LAMA2: variants seen among roughly 807,000 people sequenced by gnomAD.
LAMA2 encodes laminin subunit alpha 2.
LAMA2 carries 269 observed loss-of-function variants against 364.8 expected under a neutral mutation model. The ratio of observed to expected loss-of-function variants is 0.74; its 90% CI spans 0.67 to 0.82. The LOEUF (loss-of-function observed/expected upper bound fraction) is 0.82, where lower values mean the gene tolerates loss of function less well. Ranked by LOEUF, LAMA2 falls within the 40% of genes least tolerant of loss-of-function variation. The pLI, the probability that LAMA2 is intolerant of heterozygous loss-of-function variation, is 0.00. For missense variants in LAMA2, 3,807 were observed against 3,873.2 expected, an observed-to-expected ratio of 0.98 and a Z score of 0.45; for synonymous variants, 1,379 against 1,370.6, an observed-to-expected ratio of 1.01 and a Z score of -0.14.
At chr6:129,320,049 CTT>C (rs1774857184) in intron 27 of LAMA2, among the ~76,000 whole-genome samples, 2 of 152,052 alleles carry the variant, frequency 1.3e-5, no homozygotes, top group South Asian at 4.2e-4. Flanking sequence ...AGGAGAATCA[CTT>C]GAACCTGGTA....
intron 18 of LAMA2, among the ~76,000 whole-genome samples, chr6:129,283,607 G>T (rs1788885270): frequency 2.0e-5 from 3 of 151,504 alleles, no homozygotes; most frequent in Non-Finnish European, 4.4e-5. Context: ...AATGTGGAAG[G>T]TGTTTGAATC....
intron 22 of LAMA2, among the ~76,000 whole-genome samples, chr6:129,306,106 ATT>A (rs1773851035): frequency 6.6e-6 from 1 of 151,852 alleles, no homozygotes; most frequent in African/African-American, 2.4e-5. Context: ...TAAGCTTACG[ATT>A]TTGATTTCAA....
chr6:129,464,310 A>G lies in LAMA2; in HGVS notation c.7013A>G (p.Glu2338Gly). 1 of 1,612,088 alleles carries G rather than the reference A, an allele frequency of 6.2e-7. No individual in the cohort carries two copies. Among genetic ancestry groups the G allele is most frequent in the African/African-American group, 1.3e-5 (1 of 74,908 alleles). Residue 2338 changes from glutamate to glycine, a missense_variant, in exon 50 of 65, where the codon GAG becomes GGG. Physicochemically the swap from Glu to Gly is moderately conservative, Grantham distance 98 (BLOSUM62 -2). Transcript: ENST00000421865. ...CTVSPQVEDS[E>G]GTIQFDGEGY... ...CTCAGTCCTCAGGTGGAAGATAGTG[A>G]GGGGACTATTCAATTTGATGGAGAA...
chr6:129,256,379 G>A (rs942546816), intron 14 of LAMA2, among the ~76,000 whole-genome samples: 11 of 152,036 alleles, frequency 7.2e-5, no homozygotes, highest in Non-Finnish European at 2.9e-5. Context: ...GAAAATAGTA[G>A]ACAGTAAGTA....
chr6:128,899,695 GTTA>G (rs1429385202), intron 1 of LAMA2, among the ~76,000 whole-genome samples: 1 of 151,914 alleles, frequency 6.6e-6, no homozygotes, highest in Non-Finnish European at 1.5e-5. Context: ...ACAGATATGA[GTTA>G]TTATTATTAA....
chr6:129,151,521 G>C (rs989755105), intron 7 of LAMA2, among the ~76,000 whole-genome samples: 1 of 152,056 alleles, frequency 6.6e-6, no homozygotes, highest in African/African-American at 2.4e-5. Context: ...GACCCTGTCT[G>C]TATCACTCCG....
intron 12 of LAMA2, among the ~76,000 whole-genome samples, chr6:129,219,527 C>T (rs527386552): frequency 2.7e-5 from 4 of 150,890 alleles, no homozygotes; most frequent in African/African-American, 4.9e-5. Context: ...CACATGCACA[C>T]GTATGTTTAT....
At position 129,391,536 on chromosome 6, in the gene LAMA2, G is replaced by T; in HGVS notation, c.5117G>T (p.Arg1706Leu). ...AIKLNETLGTRDEAFERNLEG... is the reference protein window; with the variant it reads ...AIKLNETLGTLDEAFERNLEG... The stretch of plus-strand genomic sequence containing the variant: ...AAACTAAATGAAACTCTAGGAACTC[G>T]AGACGAGGCCTTTGAGAGAAATTTG... The change falls in exon 36 of 65, where the codon CGA becomes CTA. Residue 1706 changes from arginine (R) to leucine (L), a missense_variant. Transcript: ENST00000421865. 6.2e-7 allele frequency: 1 copy of T among 1,613,942 alleles called. No individual in the cohort carries two copies. The highest frequency in any genetic ancestry group is 1.3e-5 in the African/African-American group (1 of 75,034).
At chr6:129,089,698 C>T (rs984009967) in intron 3 of LAMA2, among the ~76,000 whole-genome samples, 3 of 152,150 alleles carry the variant, frequency 2.0e-5, no homozygotes, top group African/African-American at 7.2e-5. Context: ...AAGGGTAGTG[C>T]TAAAGACAAG....
At chr6:128,947,860 A>C (rs776357994) in intron 1 of LAMA2, among the ~76,000 whole-genome samples, 20 of 152,150 alleles carry the variant, frequency 1.3e-4, no homozygotes, top group Non-Finnish European at 2.2e-4. Flanking sequence ...CAGAAATTGC[A>C]AAGAGTGAGA....
chr6:128,997,376 G>GAT (rs1449476345), intron 1 of LAMA2, among the ~76,000 whole-genome samples: 1 of 141,436 alleles, frequency 7.1e-6, no homozygotes, highest in African/African-American at 2.6e-5. Context: ...GAAAGAGAGA[G>GAT]AGAGAAAGGA....
chr6:128,949,805 AAAAC>A (rs1780700923), intron 1 of LAMA2, among the ~76,000 whole-genome samples: 1 of 152,210 alleles, frequency 6.6e-6, no homozygotes, highest in Non-Finnish European at 1.5e-5. Flanking sequence ...AATTTTCACT[AAAAC>A]AATCACATTT....
chr6:128,883,778 A>C (rs909456712), intron 1 of LAMA2, among the ~76,000 whole-genome samples: 2 of 148,740 alleles, frequency 1.3e-5, no homozygotes, highest in Admixed American at 6.7e-5. Context: ...TGATGCATCA[A>C]AAAAAAATTA....
chr6:129,253,062 C>T (rs1283633044), intron 14 of LAMA2, among the ~76,000 whole-genome samples: 1 of 152,078 alleles, frequency 6.6e-6, no homozygotes, highest in African/African-American at 2.4e-5. Flanking sequence ...GAGTGAACTA[C>T]CTGACTTGAA....
At chr6:129,040,435 A>C (rs1047406407) in intron 1 of LAMA2, among the ~76,000 whole-genome samples, 3 of 152,118 alleles carry the variant, frequency 2.0e-5, no homozygotes, top group Non-Finnish European at 2.9e-5. Flanking sequence ...AACTTGGGCA[A>C]CAGAGCAAGA....
chr6:129,061,362 G>C (rs1236123066), intron 3 of LAMA2, among the ~76,000 whole-genome samples: 1 of 152,044 alleles, frequency 6.6e-6, no homozygotes, highest in Non-Finnish European at 1.5e-5. Flanking sequence ...TAGAACAATG[G>C]GGTCAATTAT....
intron 35 of LAMA2, among the ~76,000 whole-genome samples, chr6:129,386,895 A>G (rs1338114767): frequency 2.0e-5 from 3 of 152,086 alleles, no homozygotes; most frequent in Non-Finnish European, 4.4e-5. Flanking sequence ...TTTACATAAC[A>G]TGGGTTGCAA....
At chr6:129,138,672 A>G (rs1401411513) in intron 4 of LAMA2, among the ~76,000 whole-genome samples, 2 of 152,138 alleles carry the variant, frequency 1.3e-5, no homozygotes, top group Non-Finnish European at 2.9e-5. Context: ...ATTGATTTGA[A>G]TAAGATTCTT....
At chr6:129,222,650 T>C (rs1254667075) in intron 12 of LAMA2, among the ~76,000 whole-genome samples, 1 of 152,128 alleles carries the variant, frequency 6.6e-6, no homozygotes, top group Non-Finnish European at 1.5e-5. Flanking sequence ...GCTTCATCCA[T>C]GTCCCTACAA....
Sources: allele counts gnomAD v4.1 joint callset (sites outside exome capture counted in the v4.1 genomes callset), GRCh38; gene constraint gnomAD v4.1.1; transcripts MANE v1.5; gene names NCBI Gene and HGNC (gene_info 2026-07-23, HGNC 2026-07-21).